Variants in RASA1 observed in about 807,000 individuals in gnomAD.
RASA1 encodes the protein RAS p21 protein activator 1.
RASA1 carries 25 observed loss-of-function variants against 132.2 expected under a neutral mutation model. The ratio of observed to expected loss-of-function variants is 0.19; its 90% CI spans 0.14 to 0.26. RASA1 has a LOEUF of 0.26. Among genes scored for constraint, RASA1 ranks in the 10% least tolerant of loss-of-function variants. RASA1 has a pLI of 1.00. For synonymous variants in RASA1, 477 were observed against 449.9 expected, an observed-to-expected ratio of 1.06 and a Z score of -0.76; for missense variants, 964 against 1,299.2, an observed-to-expected ratio of 0.74 and a Z score of 3.97.
intron 11 of RASA1, among the ~76,000 whole-genome samples, chr5:87,369,037 A>G (rs146350864): frequency 1.6e-3 from 241 of 152,278 alleles, no homozygotes; most frequent in Non-Finnish European, 2.3e-3. Context: ...TTTATCTTTA[A>G]TAAGTGTTAA....
chr5:87,350,926 A>G (rs1223434813), intron 8 of RASA1, among the ~76,000 whole-genome samples: 3 of 151,744 alleles, frequency 2.0e-5, no homozygotes, highest in Non-Finnish European at 3.0e-5. Flanking sequence ...TTGGAAATAT[A>G]TATTTCATTT....
At chr5:87,287,655 C>T (rs755408232) in intron 1 of RASA1, among the ~76,000 whole-genome samples, 30 of 147,826 alleles carry the variant, frequency 2.0e-4, no homozygotes, top group Admixed American at 1.0e-3. Context: ...TATATATACA[C>T]GCCATAGATA....
At chr5:87,301,069 A>G (rs1755337683) in intron 1 of RASA1, among the ~76,000 whole-genome samples, 1 of 152,228 alleles carries the variant, frequency 6.6e-6, no homozygotes, top group African/African-American at 2.4e-5. Flanking sequence ...TGTGGCCTCT[A>G]CAAACATTTG....
At chr5:87,372,332 A>G in intron 13 of RASA1, 137 bp downstream of exon 13, 2 of 740,662 alleles carry the variant, frequency 2.7e-6, no homozygotes, top group Non-Finnish European at 4.7e-6. Context: ...AGTAGCAGGA[A>G]AACGTTACTT....
intron 20 of RASA1, among the ~76,000 whole-genome samples, chr5:87,382,929 TAA>T (rs200006864): frequency 7.2e-6 from 1 of 138,846 alleles, no homozygotes; most frequent in Non-Finnish European, 1.6e-5. Flanking sequence ...CAAAAATAAT[TAA>T]AAAAAAAAAA....
intron 14 of RASA1, 146 bp downstream of exon 14, chr5:87,374,466 T>A (rs1761179338): frequency 3.1e-6 from 1 of 322,936 alleles, no homozygotes; most frequent in Non-Finnish European, 5.0e-6. Context: ...TATATTTTTT[T>A]TTTTTTTTTC....
chr5:87,369,685 A>G, intron 11 of RASA1, 128 bp from the exon 12 acceptor site: 1 of 687,574 alleles, frequency 1.5e-6, no homozygotes, highest in Non-Finnish European at 2.5e-6. Context: ...ATCTGGTACA[A>G]TGGAGTATTA....
intron 1 of RASA1, among the ~76,000 whole-genome samples, chr5:87,309,191 G>T: frequency 6.6e-6 from 1 of 152,068 alleles, no homozygotes; most frequent in South Asian, 2.1e-4. Context: ...ACTATTTTAG[G>T]TGGTTAGGAT....
intron 5 of RASA1, among the ~76,000 whole-genome samples, chr5:87,338,537 T>TATATATATATATA (rs1421369290): frequency 5.0e-5 from 4 of 79,794 alleles, no homozygotes; most frequent in Non-Finnish European, 8.0e-5. Context: ...ATATATAAAA[T>TATATATATATATA]TTTTTTTTTT....
chr5:87,268,111 T>A lies in RASA1; in HGVS notation c.-341T>A, dbSNP rs1753645363. The A allele has an allele frequency of 2.4e-6, 1 of 421,080 alleles. No homozygotes were observed. Among genetic ancestry groups the A allele is most frequent in the African/African-American group, 2.1e-5 (1 of 48,774 alleles). 26.1% of individuals were successfully genotyped at this position (421,080 alleles called of 1,614,324 possible). A position where few individuals can be genotyped will look rare whatever the true frequency, so the allele number is the denominator to read the frequency against. On this transcript the variant is annotated 5_prime_UTR_variant, in exon 1 of 25. Transcript: ENST00000274376. ...AGGAGCGGTAGCAGCCTCAGCCTCT[T>A]TCCCTGTGCTTCCTTTCCTCTTTAG...
Position 87,268,747 on chromosome 5 carries a change from CTGCTGGCGTGGCCGGTGCTGCTGT to C in RASA1, c.303_326del (p.Val102_Gly109del), listed in dbSNP as rs768241743. On this transcript the variant is annotated inframe_deletion, in exon 1 of 25. Coordinates refer to ENST00000274376, the MANE Select transcript of RASA1 (RefSeq NM_002890.3). ...ACTGCTGCTGGCGTAGCTGGTGCTG[CTGCTGGCGTGGCCGGTGCTGCTGT>C]TGCTGGACCTAGTGGAGACATGGCT... 22 of 1,613,452 alleles carry C rather than the reference CTGCTGGCGTGGCCGGTGCTGCTGT, an allele frequency of 1.4e-5. No homozygotes were observed. The highest frequency in any genetic ancestry group is 1.1e-4 in the East Asian group (5 of 44,872).
chr5:87,333,263 C>A lies in RASA1; in HGVS notation c.829-4C>A. ...TTAAATCTTTTTTTTTTTATGGTTT[C>A]TAGCCAGTAGAAGATAGAAGGCGTG... On this transcript the variant is annotated splice_polypyrimidine_tract_variant and splice_region_variant and intron_variant, in intron 3 of 24. Transcript: ENST00000274376. The A allele has an allele frequency of 6.2e-7, 1 of 1,605,072 alleles. No individual in the cohort carries two copies.
At chr5:87,276,283 C>G (rs1049925938) in intron 1 of RASA1, among the ~76,000 whole-genome samples, 1 of 152,098 alleles carries the variant, frequency 6.6e-6, no homozygotes, top group Non-Finnish European at 1.5e-5. Flanking sequence ...AATTTTAAAC[C>G]AAAAATACTG....
chr5:87,299,602 C>G (rs181646693), intron 1 of RASA1: 2 of 151,920 alleles, frequency 1.3e-5, no homozygotes, highest in African/African-American at 4.8e-5. Flanking sequence ...GTAATTACTA[C>G]AGTCAAGTAA....
At chr5:87,382,150 C>G (rs1441231319) in intron 20 of RASA1, among the ~76,000 whole-genome samples, 1 of 152,118 alleles carries the variant, frequency 6.6e-6, no homozygotes, top group African/African-American at 2.4e-5. Context: ...TGGGGTTAGA[C>G]CATGTTGGCC....
intron 11 of RASA1, among the ~76,000 whole-genome samples, chr5:87,368,703 A>T (rs1760709744): frequency 6.6e-6 from 1 of 152,118 alleles, no homozygotes; most frequent in Non-Finnish European, 1.5e-5. Context: ...CTGGATTTGT[A>T]GTTAATTTTT....
At chr5:87,316,337 A>G (rs955500970) in intron 1 of RASA1, among the ~76,000 whole-genome samples, 9 of 152,208 alleles carry the variant, frequency 5.9e-5, no homozygotes, top group African/African-American at 1.7e-4. Context: ...AAAAATGGGA[A>G]AAATAGCTGC....
intron 7 of RASA1, 69 bp from the exon 8 acceptor site, chr5:87,349,145 T>G (rs1759076313): frequency 6.4e-7 from 1 of 1,553,764 alleles, no homozygotes; most frequent in African/African-American, 1.4e-5. Flanking sequence ...CACTTTGTAA[T>G]AATACTACTT....
chr5:87,390,976 G>T lies in RASA1; in HGVS notation c.*93G>T. 1 of 1,286,240 alleles carries T rather than the reference G, an allele frequency of 7.8e-7. No homozygotes were observed. Among genetic ancestry groups the T allele is most frequent in the Non-Finnish European group, 1.1e-6 (1 of 888,992 alleles). The allele number at this position is 1,286,240 out of a possible 1,614,324, so 79.7% of individuals were successfully genotyped here. On this transcript the variant is annotated 3_prime_UTR_variant, in exon 25 of 25. Transcript: ENST00000274376. ...TCTCCTTTGCTCTTGCCAAAAAATA[G>T]CACACTTTTCCACATTCCAGTGATG... is the stretch of plus-strand genomic sequence containing the variant.
Sources: gnomAD v4.1 joint callset for allele counts (sites outside exome capture counted in the v4.1 genomes callset) on GRCh38, gnomAD v4.1.1 for gene constraint, MANE v1.5 for transcripts, NCBI Gene and HGNC (gene_info 2026-07-23, HGNC 2026-07-21) for gene names.